Variants in GPC5 observed in about 807,000 individuals in gnomAD.
The protein encoded by GPC5 is glypican 5.
A neutral mutation model predicts 53.9 loss-of-function variants in GPC5; 47 were observed. The observed-to-expected ratio is 0.87, with a 90% CI of 0.69 to 1.11. GPC5 has a LOEUF of 1.11. Among genes scored for constraint, GPC5 ranks in the 50% most tolerant of loss-of-function variants. The pLI, the probability that GPC5 is intolerant of heterozygous loss-of-function variation, is 0.00. For missense variants in GPC5, 748 were observed against 713.1 expected (o/e 1.05, Z -0.56); for synonymous variants, 286 against 263.3 (o/e 1.09, Z -0.84).
chr13:92,284,399 C>T (rs1260309645), intron 7 of GPC5, among the ~76,000 whole-genome samples: 1 of 152,174 alleles, frequency 6.6e-6, no homozygotes. Context: ...ATGAGGCCAG[C>T]ATCATCCTGA....
intron 5 of GPC5, among the ~76,000 whole-genome samples, chr13:91,849,790 T>C (rs376721664): frequency 3.9e-5 from 6 of 152,326 alleles, no homozygotes; most frequent in South Asian, 4.1e-4. Flanking sequence ...TTATGATGCA[T>C]GTATCAGAAA....
At position 91,882,604 on chromosome 13, in the gene GPC5, A is replaced by G. The variant is rs895574599; in HGVS notation, c.1281-25333A>G. Among the ~76,000 whole-genome samples the G allele has an allele frequency of 2.0e-5, 3 of 150,264 alleles. No individual in the cohort carries two copies. The South Asian group carries it at 6.3e-4, about 31-fold the overall frequency. On this transcript the variant is annotated intron_variant, in intron 5 of 7. Transcript: ENST00000377067. The stretch of plus-strand genomic sequence containing the variant: ...AGTTTGTACACTTCCTGGAAATAGA[A>G]TAGGGTAATAGAGTTTGATTTTTTT...
intron 7 of GPC5, among the ~76,000 whole-genome samples, chr13:92,843,175 C>T (rs1878489178): frequency 6.6e-6 from 1 of 152,090 alleles, no homozygotes; most frequent in South Asian, 2.1e-4. Flanking sequence ...GTTAAAAACA[C>T]AGCCTATATA....
chr13:92,678,800 G>C (rs9516119), intron 7 of GPC5, among the ~76,000 whole-genome samples: 1 of 152,080 alleles, frequency 6.6e-6, no homozygotes, highest in Non-Finnish European at 1.5e-5. Context: ...GTAGATCCAG[G>C]TAGTGAGATG....
At chr13:91,698,760 GA>G (rs966110381) in intron 3 of GPC5, among the ~76,000 whole-genome samples, 8 of 140,632 alleles carry the variant, frequency 5.7e-5, no homozygotes, top group Admixed American at 5.4e-4. Context: ...ACATGAACTT[GA>G]AAAAGTCATG....
intron 7 of GPC5, among the ~76,000 whole-genome samples, chr13:92,792,850 A>G (rs1876513455): frequency 6.6e-6 from 1 of 152,188 alleles, no homozygotes; most frequent in African/African-American, 2.4e-5. Flanking sequence ...CTAAAGATAT[A>G]TGCAACCAAT....
chr13:92,214,154 C>T (rs1194862737), intron 7 of GPC5, among the ~76,000 whole-genome samples: 1 of 152,176 alleles, frequency 6.6e-6, no homozygotes, highest in Non-Finnish European at 1.5e-5. Flanking sequence ...TAGCAATACC[C>T]TCTGTCCTTC....
At chr13:92,512,375 C>T (rs1225137224) in intron 7 of GPC5, among the ~76,000 whole-genome samples, 1 of 152,064 alleles carries the variant, frequency 6.6e-6, no homozygotes, top group Non-Finnish European at 1.5e-5. Flanking sequence ...CAATTAATAC[C>T]ACTGCACTTA....
chr13:91,604,611 C>A (rs1470354679), intron 2 of GPC5, among the ~76,000 whole-genome samples: 3 of 141,958 alleles, frequency 2.1e-5, no homozygotes, highest in South Asian at 4.6e-4. Context: ...CTCTCCAGCA[C>A]CTGTTGTTTC....
rs79098859 is a variant in GPC5 at position 92,365,194 on chromosome 13, T to G, written c.1561+220205T>G. 3.9e-3 allele frequency among the ~76,000 whole-genome samples: 595 copies of G among 151,948 alleles called. 23 individuals are homozygous for G. The highest frequency in any genetic ancestry group is 0.014 in the Middle Eastern group (4 of 294). ...CACTACGTACCCAGGCTGTGTGATA[T>G]AGCCTGTTGCTCCTATGTTACAAAC... is the stretch of plus-strand genomic sequence containing the variant. On this transcript the variant is annotated intron_variant, in intron 7 of 7. Coordinates refer to ENST00000377067, the MANE Select transcript of GPC5 (RefSeq NM_004466.6).
chr13:91,752,743 C>T (rs764910994), intron 4 of GPC5, among the ~76,000 whole-genome samples: 21 of 152,160 alleles, frequency 1.4e-4, no homozygotes, highest in Non-Finnish European at 2.8e-4. Flanking sequence ...GTGGGTCTCA[C>T]GTCACATGTC....
At chr13:91,645,110 T>C (rs1373863) in intron 2 of GPC5, among the ~76,000 whole-genome samples, 26,291 of 152,122 alleles carry the variant, frequency 0.17, 2,507 homozygotes, top group East Asian at 0.29. Flanking sequence ...TGCCCTGGGA[T>C]AGACAAAAGG....
At chr13:91,925,451 G>A (rs2039757758) in intron 6 of GPC5, among the ~76,000 whole-genome samples, 1 of 152,028 alleles carries the variant, frequency 6.6e-6, no homozygotes, top group African/African-American at 2.4e-5. Context: ...TTAATTCAGT[G>A]AACAAACATT....
chr13:92,062,375 C>T (rs562298176), intron 6 of GPC5, among the ~76,000 whole-genome samples: 48 of 152,020 alleles, frequency 3.2e-4, no homozygotes, highest in African/African-American at 1.0e-3. Flanking sequence ...TATTTGGTTA[C>T]TTAAAGCTAA....
chr13:92,009,758 T>C (rs979975317), intron 6 of GPC5, among the ~76,000 whole-genome samples: 4 of 152,150 alleles, frequency 2.6e-5, no homozygotes, highest in African/African-American at 9.7e-5. Flanking sequence ...CCCCATTTCT[T>C]AACCACTTTC....
At chr13:91,483,890 A>G (rs1057166487) in intron 2 of GPC5, among the ~76,000 whole-genome samples, 1 of 152,186 alleles carries the variant, frequency 6.6e-6, no homozygotes, top group Admixed American at 6.5e-5. Context: ...CATTTCACTT[A>G]AAGTCGCAGT....
chr13:92,677,882 G>A (rs551706557), intron 7 of GPC5, among the ~76,000 whole-genome samples: 90 of 152,222 alleles, frequency 5.9e-4, no homozygotes, highest in African/African-American at 1.9e-3. Flanking sequence ...TCTTCAGCTC[G>A]GTGGGTCCCA....
intron 7 of GPC5, among the ~76,000 whole-genome samples, chr13:92,519,045 A>T (rs1247760820): frequency 1.3e-5 from 2 of 152,236 alleles, no homozygotes; most frequent in Non-Finnish European, 2.9e-5. Context: ...CCATTACATA[A>T]TGGTAAAGGA....
chr13:91,535,919 C>T (rs1473016357), intron 2 of GPC5, among the ~76,000 whole-genome samples: 2 of 152,130 alleles, frequency 1.3e-5, no homozygotes, highest in East Asian at 1.9e-4. Context: ...TTTGTGTGAA[C>T]ATTGACATCT....
Sources: allele counts gnomAD v4.1 joint callset (sites outside exome capture counted in the v4.1 genomes callset), GRCh38; gene constraint gnomAD v4.1.1; transcripts MANE v1.5; gene names NCBI Gene and HGNC (gene_info 2026-07-23, HGNC 2026-07-21).